The following RANBP2 variants were observed in gnomAD, a reference collection of about 807,000 sequenced individuals.
RANBP2 encodes the protein RAN binding protein 2.
RANBP2 carries 57 observed loss-of-function variants against 303.6 expected under a neutral mutation model. The ratio of observed to expected loss-of-function variants is 0.19; its 90% CI spans 0.15 to 0.23. The LOEUF is 0.23. RANBP2 is among the 10% of genes least tolerant of loss of function. The probability of loss-of-function intolerance (pLI) is 1.00; values close to 1 mark genes in which losing one functional copy is unlikely to be tolerated. For missense variants in RANBP2, 3,138 were observed against 3,780.8 expected, an observed-to-expected ratio of 0.83 and a Z score of 4.46; for synonymous variants, 1,167 against 1,301.5, an observed-to-expected ratio of 0.90 and a Z score of 2.23.
the RANBP2 span, among the ~76,000 whole-genome samples, chr2:109,539,116 G>A: frequency 6.6e-6 from 1 of 151,942 alleles, no homozygotes; most frequent in Non-Finnish European, 1.5e-5. Context: ...TGACCAATAT[G>A]GTGAAACCCC....
the RANBP2 span, among the ~76,000 whole-genome samples, chr2:109,187,825 G>A: frequency 9.9e-5 from 15 of 152,210 alleles, no homozygotes; most frequent in Admixed American, 3.9e-4. Context: ...CTGCCATTGT[G>A]ACCAGGACCC....
At chr2:108,959,399 G>C in the RANBP2 span, among the ~76,000 whole-genome samples, 2 of 152,226 alleles carry the variant, frequency 1.3e-5, no homozygotes, top group Non-Finnish European at 2.9e-5. Context: ...TGTAATGCAG[G>C]GGACGCTGGG....
At chr2:109,489,464 G>A in the RANBP2 span, among the ~76,000 whole-genome samples, 16 of 152,356 alleles carry the variant, frequency 1.1e-4, no homozygotes, top group Non-Finnish European at 7.3e-5. Context: ...ATCAGGAACC[G>A]TGTCACCTGT....
At chr2:109,076,224 GA>G in the RANBP2 span, among the ~76,000 whole-genome samples, 1,810 of 150,078 alleles carry the variant, frequency 0.012, 55 homozygotes, top group African/African-American at 0.04. Context: ...GAAAATATTT[GA>G]AAAAAATCAA....
the RANBP2 span, among the ~76,000 whole-genome samples, chr2:109,440,769 G>C: frequency 6.6e-6 from 1 of 152,270 alleles, no homozygotes; most frequent in Non-Finnish European, 1.5e-5. Context: ...CCAGAGAGGA[G>C]AGAACAGCAC....
the RANBP2 span, among the ~76,000 whole-genome samples, chr2:109,287,810 T>G: frequency 3.9e-5 from 6 of 152,330 alleles, no homozygotes; most frequent in African/African-American, 1.4e-4. Flanking sequence ...TGTTGCCAGT[T>G]TTAGGGCGCT....
chr2:108,892,509 G>A, the RANBP2 span, among the ~76,000 whole-genome samples: 2 of 152,152 alleles, frequency 1.3e-5, no homozygotes, highest in South Asian at 2.1e-4. Flanking sequence ...TGGGCCCCAG[G>A]ACAGCATGCA....
At chr2:109,441,579 G>A in the RANBP2 span, among the ~76,000 whole-genome samples, 3 of 152,254 alleles carry the variant, frequency 2.0e-5, no homozygotes, top group South Asian at 4.1e-4. Context: ...CCTAATATAC[G>A]TGTAATTGGA....
the RANBP2 span, among the ~76,000 whole-genome samples, chr2:108,925,637 T>C: frequency 1.3e-5 from 2 of 151,922 alleles, no homozygotes; most frequent in East Asian, 3.9e-4. Context: ...TTTTTCCCCC[T>C]GAAACAGTCT....
chr2:109,655,610 T>G, the RANBP2 span, among the ~76,000 whole-genome samples: 1 of 150,256 alleles, frequency 6.7e-6, no homozygotes, highest in Non-Finnish European at 1.5e-5. Context: ...TTCCTTCACT[T>G]GGGTCCCTGA....
rs1309175668 is a variant in RANBP2, at chr2:108,719,580, C to A, written c.-27C>A. 1.3e-6 allele frequency: 2 copies of A among 1,593,368 alleles called. No individual in the cohort carries two copies. The highest frequency in any genetic ancestry group is 1.7e-6 in the Non-Finnish European group (2 of 1,171,872). ...TGCGGGCCTGAGCGCTGGTCTCACG[C>A]GCCTCGGGAGCCAGGTTGGCGGCGC... On this transcript the variant is annotated 5_prime_UTR_variant, in exon 1 of 29. Transcript: ENST00000283195.
chr2:109,075,932 A>C, the RANBP2 span, among the ~76,000 whole-genome samples: 1 of 150,840 alleles, frequency 6.6e-6, no homozygotes, highest in African/African-American at 2.4e-5. Flanking sequence ...AACACTTCCA[A>C]ACTCATTTTA....
the RANBP2 span, among the ~76,000 whole-genome samples, chr2:108,956,693 G>T: frequency 1.3e-5 from 2 of 152,102 alleles, no homozygotes; most frequent in African/African-American, 2.4e-5. Flanking sequence ...AAATATTTGG[G>T]TTATGATTCA....
At chr2:109,584,080 C>T in the RANBP2 span, among the ~76,000 whole-genome samples, 5 of 152,282 alleles carry the variant, frequency 3.3e-5, no homozygotes, top group South Asian at 1.0e-3. Context: ...GTACCCCAAA[C>T]CTCAGCATCA....
At chr2:108,889,860 TATTG>T in the RANBP2 span, among the ~76,000 whole-genome samples, 1 of 152,166 alleles carries the variant, frequency 6.6e-6, no homozygotes, top group Non-Finnish European at 1.5e-5. Flanking sequence ...CTTTTTCTCT[TATTG>T]ATTGTTGTTG....
the RANBP2 span, among the ~76,000 whole-genome samples, chr2:109,355,798 T>C: frequency 4.6e-5 from 7 of 152,246 alleles, no homozygotes; most frequent in East Asian, 1.2e-3. Flanking sequence ...ACAAAGCCCA[T>C]TTGGTGTTTT....
chr2:109,117,913 T>C, the RANBP2 span, among the ~76,000 whole-genome samples: 1 of 152,226 alleles, frequency 6.6e-6, no homozygotes, highest in Admixed American at 6.5e-5. Flanking sequence ...TGTGCTCTTG[T>C]AACTGCCTTG....
chr2:108,787,934 T>C, downstream of RANBP2: 1 of 1,064,504 alleles, frequency 9.4e-7, no homozygotes, highest in Non-Finnish European at 1.3e-6. Context: ...ATTTCTCCAC[T>C]CTAACCTTTG....
At chr2:109,599,371 C>T in the RANBP2 span, among the ~76,000 whole-genome samples, 1 of 150,120 alleles carries the variant, frequency 6.7e-6, no homozygotes, top group African/African-American at 2.5e-5. Context: ...GGCAGAAGAA[C>T]TGCTTGAACT....
Sources: allele counts gnomAD v4.1 joint callset (sites outside exome capture counted in the v4.1 genomes callset), GRCh38; gene constraint gnomAD v4.1.1; transcripts MANE v1.5; gene names NCBI Gene and HGNC (gene_info 2026-07-23, HGNC 2026-07-21).